Variants in CALB1 observed in about 807,000 individuals in gnomAD.
CALB1 encodes calbindin 1, also known as calbindin.
A neutral mutation model predicts 46.7 loss-of-function variants in CALB1; 16 were observed. That is an observed-to-expected ratio of 0.34 (90% CI 0.23 to 0.52). The LOEUF (loss-of-function observed/expected upper bound fraction) is 0.52. CALB1 is among the 20% of genes least tolerant of loss of function. CALB1 has a pLI of 0.95. For missense variants in CALB1, 224 were observed against 300.3 expected (o/e 0.75, Z 1.88); for synonymous variants, 90 against 112.8 (o/e 0.80, Z 1.28).
At chr8:90,079,331 G>A (rs1054522291) in intron 2 of CALB1, among the ~76,000 whole-genome samples, 5 of 151,890 alleles carry the variant, frequency 3.3e-5, no homozygotes, top group Non-Finnish European at 7.4e-5. Context: ...TATAAAAGCC[G>A]TTTGGAACCA....
rs1814249285 is a variant in CALB1 at position 90,059,089 on chromosome 8, T to C, written c.*1084A>G. The C allele has an allele frequency of 6.6e-6, 1 of 152,294 alleles. No homozygotes were observed. The highest frequency in any genetic ancestry group is 2.4e-5 in the African/African-American group (1 of 41,470). 9.4% of individuals were successfully genotyped at this position (152,294 alleles called of 1,614,324 possible). A position where few individuals can be genotyped will look rare whatever the true frequency, so the allele number is the denominator to read the frequency against. ...TTACATTAGCATTTCTTTTCAGATGTTATTTTTTTAAACTCATTTGAAACT... is the reference window on the plus strand; with the variant it reads ...TTACATTAGCATTTCTTTTCAGATGCTATTTTTTTAAACTCATTTGAAACT... On this transcript the variant is annotated 3_prime_UTR_variant, in exon 11 of 11. Transcript: ENST00000265431.
At chr8:90,073,688 C>T (rs905991828) in intron 3 of CALB1, among the ~76,000 whole-genome samples, 7 of 152,194 alleles carry the variant, frequency 4.6e-5, no homozygotes, top group Non-Finnish European at 8.8e-5. Context: ...AATACAGAGA[C>T]TTTGCCTGAT....
In CALB1 at chr8:90,078,407, C is replaced by T; in HGVS notation, c.197G>A (p.Gly66Glu). Residue 66 changes from glycine to glutamate, a missense_variant, in exon 3 of 11, where the codon GGG (glycine) becomes GAG (glutamate). Coordinates refer to ENST00000265431, the MANE Select transcript of CALB1 (RefSeq NM_004929.4). ...PEMKTFVDQYGQRDDGKIGIV... is the reference protein window; with the variant it reads ...PEMKTFVDQYEQRDDGKIGIV... ...TCCTATTTTTCCATCATCTCTTTGC[C>T]CATACTGATCCACAAAAGTTTTCAT... 1 of 1,594,054 alleles carries T rather than the reference C, an allele frequency of 6.3e-7. No homozygotes were observed. Among genetic ancestry groups the T allele is most frequent in the Non-Finnish European group, 8.6e-7 (1 of 1,166,898 alleles).
chr8:90,069,333 C>G, intron 3 of CALB1, 96 bp from the exon 4 acceptor site: 2 of 896,652 alleles, frequency 2.2e-6, no homozygotes, highest in Non-Finnish European at 3.7e-6. Context: ...AACGTGTTCC[C>G]TCACAGGCTA....
chr8:90,063,319 A>G lies in CALB1; in HGVS notation c.508T>C (p.Leu170=). 6.3e-7 allele frequency: 1 copy of G among 1,592,862 alleles called. No homozygotes were observed. The highest frequency in any genetic ancestry group is 8.6e-7 in the Non-Finnish European group (1 of 1,163,216). The change falls in exon 8 of 11, where the codon TTA becomes CTA. Residue 170 remains leucine, a splice_region_variant and synonymous_variant. Transcript: ENST00000265431. ...GKLELTEMAR[L]LPVQENFLLK... ...AGAAAATTCTCCTGCACTGGTAGTA[A>G]CCTTTTGAGAGAAAAACATTATATT... is the stretch of plus-strand genomic sequence containing the variant.
At chr8:90,061,327 A>G (rs1423126029) in intron 9 of CALB1, 2 of 152,176 alleles carry the variant, frequency 1.3e-5, no homozygotes, top group East Asian at 3.8e-4. Flanking sequence ...TTTCCTATGA[A>G]AAGAAGGAGT....
At chr8:90,061,728 G>A (rs1181278534) in intron 9 of CALB1, 1 of 151,986 alleles carries the variant, frequency 6.6e-6, no homozygotes, top group Non-Finnish European at 1.5e-5. Context: ...CAAATGGAAA[G>A]ACGTCCTGTG....
chr8:90,080,559 T>C (rs117015267), intron 2 of CALB1, among the ~76,000 whole-genome samples: 1,694 of 152,098 alleles, frequency 0.011, 15 homozygotes, highest in Middle Eastern at 0.021. Flanking sequence ...ATAATGACAG[T>C]ATTGCATAAA....
In CALB1 at chr8:90,063,093, CTT is replaced by C. The variant is rs932030316; in HGVS notation, c.600+5_600+6del. The C allele has an allele frequency of 6.3e-7, 1 of 1,598,014 alleles. No individual in the cohort carries two copies. Among genetic ancestry groups the C allele is most frequent in the African/African-American group, 1.3e-5 (1 of 74,392 alleles). The stretch of plus-strand genomic sequence containing the variant: ...AAAAAAGAAAGGAAAAAGTAACAAA[CTT>C]TTACCTGATCATACAGCTCAAAAGC... On this transcript the variant is annotated splice_donor_5th_base_variant and intron_variant, in intron 9 of 10. Coordinates refer to ENST00000265431, the MANE Select transcript of CALB1 (RefSeq NM_004929.4).
chr8:90,060,161 C>T lies in CALB1; in HGVS notation c.*12G>A, dbSNP rs370868250. On this transcript the variant is annotated 3_prime_UTR_variant, in exon 11 of 11. Coordinates refer to ENST00000265431, the MANE Select transcript of CALB1 (RefSeq NM_004929.4). ...ACAGTGTATCACTAGCAAGTGGTTG[C>T]GGCCACCAACTCTAGTTATCCCCAG... The T allele has an allele frequency of 9.0e-5, 138 of 1,527,876 alleles. No individual in the cohort carries two copies. The highest frequency in any genetic ancestry group is 5.8e-4 in the East Asian group (26 of 44,446). The allele number at this position is 1,527,876 out of a possible 1,614,324, so 94.6% of individuals were successfully genotyped here. A position where few individuals can be genotyped will look rare whatever the true frequency, so the allele number is the denominator to read the frequency against.
At chr8:90,082,540 A>C (rs1814751160) in intron 1 of CALB1, 79 bp downstream of exon 1, 1 of 1,106,404 alleles carries the variant, frequency 9.0e-7, no homozygotes, top group African/African-American at 1.5e-5. Flanking sequence ...TAATGGGATC[A>C]GGAGGCTCAG....
chr8:90,070,868 G>GTGTT (rs1814502591), intron 3 of CALB1, among the ~76,000 whole-genome samples: 1 of 151,698 alleles, frequency 6.6e-6, no homozygotes, highest in African/African-American at 2.4e-5. Context: ...GTGTGTGTGT[G>GTGTT]TGTGTGTGTG....
chr8:90,062,849 T>G, intron 9 of CALB1: 1 of 360,086 alleles, frequency 2.8e-6, no homozygotes, highest in Non-Finnish European at 5.0e-6. Flanking sequence ...GCCACTTGTA[T>G]GAGGTATCTA....
intron 2 of CALB1, among the ~76,000 whole-genome samples, chr8:90,081,178 T>C (rs374949589): frequency 6.6e-6 from 1 of 152,330 alleles, no homozygotes; most frequent in East Asian, 1.9e-4. Context: ...TTATAATTAA[T>C]AAGAATGGTT....
Position 90,060,273 on chromosome 8 carries a change from T to C in CALB1, c.686A>G (p.Asn229Ser), listed in dbSNP as rs1814272423. The C allele has an allele frequency of 6.3e-7, 1 of 1,589,610 alleles. No individual in the cohort carries two copies. The highest frequency in any genetic ancestry group is 1.7e-5 in the Admixed American group (1 of 59,962). The change falls in exon 11 of 11, where the codon AAT becomes AGT. Residue 229 changes from asparagine to serine, a missense_variant. Coordinates refer to ENST00000265431, the MANE Select transcript of CALB1 (RefSeq NM_004929.4). ...CEKNKQDLDI[N>S]NITTYKKNIM... ...GTTCTTCTTGTATGTTGTAATATTA[T>C]TAATATCCAGATCCTGTACAGAATA... is the stretch of plus-strand genomic sequence containing the variant.
At chr8:90,081,370 T>C in intron 2 of CALB1, 1 of 377,656 alleles carries the variant, frequency 2.6e-6, no homozygotes, top group African/African-American at 2.2e-5. Flanking sequence ...AGATCTTTTC[T>C]TGCTAAATTC....
At chr8:90,071,317 A>G (rs2130238925) in intron 3 of CALB1, among the ~76,000 whole-genome samples, 1 of 152,244 alleles carries the variant, frequency 6.6e-6, no homozygotes, top group Middle Eastern at 3.4e-3. Context: ...GTGGGCTCCT[A>G]GTGGAAAGTA....
At chr8:90,079,820 A>G (rs1017810728) in intron 2 of CALB1, among the ~76,000 whole-genome samples, 1 of 151,994 alleles carries the variant, frequency 6.6e-6, no homozygotes, top group Non-Finnish European at 1.5e-5. Context: ...ATATTCACCT[A>G]GTGAAAATTT....
At chr8:90,072,449 A>G (rs1270689479) in intron 3 of CALB1, among the ~76,000 whole-genome samples, 2 of 152,236 alleles carry the variant, frequency 1.3e-5, no homozygotes, top group African/African-American at 4.8e-5. Flanking sequence ...CTGAACCATT[A>G]ATGTTACACT....
Sources: allele counts gnomAD v4.1 joint callset (sites outside exome capture counted in the v4.1 genomes callset), GRCh38; gene constraint gnomAD v4.1.1; transcripts MANE v1.5; gene names NCBI Gene and HGNC (gene_info 2026-07-23, HGNC 2026-07-21).